Variants in PAK3 observed in about 807,000 individuals in gnomAD.
The protein encoded by PAK3 is p21 (RAC1) activated kinase 3, also known as serine/threonine-protein kinase PAK 3.
Under a neutral mutation model 41.0 loss-of-function variants are expected in PAK3, and 4 were observed. The observed-to-expected ratio is 0.10, with a 90% confidence interval of 0.05 to 0.22. The LOEUF is 0.22. Ranked by LOEUF, PAK3 falls within the 10% of genes least tolerant of loss-of-function variation. The pLI is 1.00. For missense variants in PAK3, 205 were observed against 409.9 expected (o/e 0.50, Z 4.32); for synonymous variants, 146 against 139.6 (o/e 1.05, Z -0.32).
chrX:110,983,203 A>T (rs1254219830), intron 1 of PAK3, among the ~76,000 whole-genome samples: 1 of 111,487 alleles, frequency 9.0e-6, no homozygotes, highest in Non-Finnish European at 1.9e-5. Flanking sequence ...AGATTTCCTG[A>T]TTAATTCACT....
At chrX:111,004,953 T>C (rs974044737) in intron 1 of PAK3, among the ~76,000 whole-genome samples, 1 of 112,330 alleles carries the variant, frequency 8.9e-6, no homozygotes, top group Non-Finnish European at 1.9e-5. Context: ...AGCTCACAAA[T>C]ATTTTGTTAT....
chrX:110,988,178 G>A (rs1569502352), intron 1 of PAK3, among the ~76,000 whole-genome samples: 1 of 112,434 alleles, frequency 8.9e-6, no homozygotes, highest in East Asian at 2.8e-4. Flanking sequence ...GATTCCATAG[G>A]TTTGGAATGG....
At chrX:111,092,683 A>G (rs2148859627), upstream of PAK3, among the ~76,000 whole-genome samples, 1 of 112,277 alleles carries the variant, frequency 8.9e-6, no homozygotes, top group Non-Finnish European at 1.9e-5. Context: ...AGTTGTATAC[A>G]TTAAATATGT....
chrX:111,012,196 A>T (rs988418592), intron 1 of PAK3, among the ~76,000 whole-genome samples: 2 of 111,702 alleles, frequency 1.8e-5, no homozygotes, highest in Non-Finnish European at 3.8e-5. Flanking sequence ...CTTATGGAAA[A>T]ATTGCTTGGC....
At chrX:110,989,030 A>G (rs767495096) in intron 1 of PAK3, among the ~76,000 whole-genome samples, 66 of 112,288 alleles carry the variant, frequency 5.9e-4, no homozygotes, top group Non-Finnish European at 9.9e-4. Context: ...GCTTAAAACT[A>G]TCCTTCCGGT....
At chrX:111,198,286 A>G (rs946822614) in intron 16 of PAK3, among the ~76,000 whole-genome samples, 2 of 112,386 alleles carry the variant, frequency 1.8e-5, no homozygotes, top group South Asian at 3.7e-4. Flanking sequence ...GTCTGCTTAC[A>G]CTATTGATAG....
intron 1 of PAK3, among the ~76,000 whole-genome samples, chrX:110,975,908 T>C (rs1443369887): frequency 1.8e-5 from 2 of 112,079 alleles, no homozygotes; most frequent in Non-Finnish European, 3.8e-5. Context: ...GCTAGCCATA[T>C]GTAGAAAGCT....
intron 5 of PAK3, among the ~76,000 whole-genome samples, chrX:111,137,614 A>G (rs2093809334): frequency 8.9e-6 from 1 of 111,789 alleles, no homozygotes; most frequent in Admixed American, 9.5e-5. Context: ...GGGTGGGCAT[A>G]TAAAAGGTGA....
intron 1 of PAK3, among the ~76,000 whole-genome samples, chrX:111,038,531 G>A (rs2092422285): frequency 8.9e-6 from 1 of 111,846 alleles, no homozygotes; most frequent in Non-Finnish European, 1.9e-5. Flanking sequence ...AGGTACTAAG[G>A]TGGGTGCAGT....
chrX:111,121,319 A>C (rs1259880278), intron 4 of PAK3, among the ~76,000 whole-genome samples: 1 of 111,728 alleles, frequency 9.0e-6, no homozygotes, highest in African/African-American at 3.2e-5. Context: ...AACAAAAGCG[A>C]TCTCCCGTTC....
intron 11 of PAK3, among the ~76,000 whole-genome samples, chrX:111,175,643 A>G (rs188511876): frequency 1.9e-4 from 21 of 111,305 alleles, no homozygotes; most frequent in African/African-American, 5.9e-4. Flanking sequence ...CTAAAGGCCA[A>G]CTGAGCCAAA....
chrX:110,999,564 G>C (rs1347740848), intron 1 of PAK3, among the ~76,000 whole-genome samples: 1 of 110,800 alleles, frequency 9.0e-6, no homozygotes, highest in Non-Finnish European at 1.9e-5. Context: ...TGTGAATCTA[G>C]GCAGTCTGGC....
intron 1 of PAK3, among the ~76,000 whole-genome samples, chrX:110,994,776 C>A (rs2091711806): frequency 9.0e-6 from 1 of 111,394 alleles, no homozygotes; most frequent in South Asian, 3.8e-4. Context: ...TTGGATAAGT[C>A]TTTTATCCTT....
chrX:111,056,368 A>G (rs1350423420), intron 1 of PAK3, among the ~76,000 whole-genome samples: 1 of 111,620 alleles, frequency 9.0e-6, no homozygotes, highest in Non-Finnish European at 1.9e-5. Flanking sequence ...TGCTATTCCA[A>G]GTTTTGGTCT....
intron 1 of PAK3, among the ~76,000 whole-genome samples, chrX:110,997,200 T>C (rs2091755382): frequency 9.1e-6 from 1 of 109,346 alleles, no homozygotes; most frequent in Admixed American, 9.8e-5. Context: ...TTTAATGGGG[T>C]TGGGGGGGCA....
At position 110,994,769 on chromosome X, in the gene PAK3, G is replaced by A. The variant is rs373336100; in HGVS notation, c.-28+50141G>A. 1.4e-3 allele frequency among the ~76,000 whole-genome samples: 155 copies of A among 111,494 alleles called. 1 individual carries two copies. Among genetic ancestry groups the A allele is most frequent in the African/African-American group, 4.9e-3 (151 of 30,683 alleles). On this transcript the variant is annotated intron_variant, in intron 1 of 14. Transcript: ENST00000425146. ...GTTGAACCTAGCTCTGTGATTTTTGGATAAGTCTTTTATCCTTTCTGGGCC... is the reference window on the plus strand; with the variant it reads ...GTTGAACCTAGCTCTGTGATTTTTGAATAAGTCTTTTATCCTTTCTGGGCC...
At chrX:111,011,981 C>T (rs1396964147) in intron 1 of PAK3, among the ~76,000 whole-genome samples, 4 of 111,840 alleles carry the variant, frequency 3.6e-5, no homozygotes, top group Admixed American at 1.9e-4. Context: ...GTACATCTAT[C>T]GATAAGCACT....
At chrX:111,073,189 G>A (rs1213239384) in intron 1 of PAK3, among the ~76,000 whole-genome samples, 1 of 111,248 alleles carries the variant, frequency 9.0e-6, no homozygotes, top group Non-Finnish European at 1.9e-5. Context: ...AGTGAAAATG[G>A]ACACATAACA....
chrX:111,051,489 G>A (rs187971398), intron 1 of PAK3, among the ~76,000 whole-genome samples: 5 of 111,564 alleles, frequency 4.5e-5, no homozygotes, highest in East Asian at 5.7e-4. Flanking sequence ...CTTTATTTTC[G>A]CTTTCCTCTA....
Sources: allele counts gnomAD v4.1 joint callset (sites outside exome capture counted in the v4.1 genomes callset), GRCh38; gene constraint gnomAD v4.1.1; transcripts MANE v1.5; gene names NCBI Gene and HGNC (gene_info 2026-07-23, HGNC 2026-07-21).